The following SMYD3 variants were observed in gnomAD, a reference collection of about 807,000 sequenced individuals.
SMYD3 encodes the protein histone-lysine N-methyltransferase SMYD3.
SMYD3 carries 36 observed loss-of-function variants against 57.7 expected under a neutral mutation model. The ratio of observed to expected loss-of-function variants is 0.62; its 90% CI spans 0.48 to 0.82. SMYD3 has a LOEUF of 0.82. Ranked by LOEUF, SMYD3 falls within the 40% of genes least tolerant of loss-of-function variation. SMYD3 has a pLI of 0.00. For synonymous variants in SMYD3, 211 were observed against 195.0 expected, an observed-to-expected ratio of 1.08 and a Z score of -0.68; for missense variants, 515 against 538.8, an observed-to-expected ratio of 0.96 and a Z score of 0.44.
chr1:245,833,558 C>T (rs951951244), intron 10 of SMYD3, among the ~76,000 whole-genome samples: 2 of 152,340 alleles, frequency 1.3e-5, no homozygotes, highest in Admixed American at 6.5e-5. Flanking sequence ...TCACAGGGGA[C>T]GTGGCAGCCA....
At chr1:246,041,943 T>C (rs76387632) in intron 5 of SMYD3, among the ~76,000 whole-genome samples, 21,488 of 152,166 alleles carry the variant, frequency 0.14, 1,753 homozygotes, top group East Asian at 0.4. Flanking sequence ...CTGAAACACT[T>C]TTTCTAACAC....
intron 10 of SMYD3, among the ~76,000 whole-genome samples, chr1:245,857,658 G>A (rs2362590): frequency 0.56 from 84,567 of 152,002 alleles, 26,705 homozygotes; most frequent in Non-Finnish European, 0.73. Flanking sequence ...GTACCTTCCC[G>A]CCAGCAACCT....
chr1:246,477,075 C>A (rs1033047693), intron 1 of SMYD3, among the ~76,000 whole-genome samples: 4 of 152,124 alleles, frequency 2.6e-5, no homozygotes, highest in African/African-American at 9.7e-5. Context: ...GAATTGAAAC[C>A]AATTTTCTTC....
intron 10 of SMYD3, among the ~76,000 whole-genome samples, chr1:245,775,731 T>TA (rs68076065): frequency 1.1e-4 from 15 of 137,802 alleles, no homozygotes; most frequent in Non-Finnish European, 2.5e-4. Flanking sequence ...AAAAAAAAAA[T>TA]AAAAAAAATA....
intron 5 of SMYD3, among the ~76,000 whole-genome samples, chr1:246,109,542 G>A (rs1277682946): frequency 1.3e-5 from 2 of 152,212 alleles, no homozygotes; most frequent in African/African-American, 4.8e-5. Flanking sequence ...ATTGCCCCCT[G>A]CAGCTGTAAT....
At chr1:246,041,047 C>T (rs947376199) in intron 5 of SMYD3, among the ~76,000 whole-genome samples, 1 of 152,144 alleles carries the variant, frequency 6.6e-6, no homozygotes, top group African/African-American at 2.4e-5. Flanking sequence ...TTTTACTATT[C>T]CTTTTCTATG....
Position 246,177,187 on chromosome 1 carries a change from T to G in SMYD3, c.531+150014A>C, listed in dbSNP as rs1419005531. ...ACCTTACTACACTCTGCTAATATACTGTTCTCTTCAGTAGAAACATGTAGG... is the reference window on the plus strand; with the variant it reads ...ACCTTACTACACTCTGCTAATATACGGTTCTCTTCAGTAGAAACATGTAGG... On this transcript the variant is annotated intron_variant, in intron 5 of 11. Transcript: ENST00000490107. Among the ~76,000 whole-genome samples the G allele has an allele frequency of 3.9e-5, 6 of 152,250 alleles. No individual in the cohort carries two copies. The East Asian group carries it at 1.2e-3, about 29-fold the overall frequency.
chr1:246,294,255 G>A (rs2064751939), intron 5 of SMYD3, among the ~76,000 whole-genome samples: 1 of 152,164 alleles, frequency 6.6e-6, no homozygotes, highest in African/African-American at 2.4e-5. Flanking sequence ...CACTCACTCA[G>A]TAAGGTCAGA....
At chr1:245,946,025 C>T (rs956054770) in intron 5 of SMYD3, among the ~76,000 whole-genome samples, 1 of 152,120 alleles carries the variant, frequency 6.6e-6, no homozygotes, top group Non-Finnish European at 1.5e-5. Context: ...AGATTAATAC[C>T]TAGGTGATGG....
At position 245,911,328 on chromosome 1, in the gene SMYD3, C is replaced by T. The variant is rs1040690997; in HGVS notation, c.813+4202G>A. 1.4e-4 allele frequency among the ~76,000 whole-genome samples: 21 copies of T among 151,904 alleles called. 1 individual carries two copies. The highest frequency in any genetic ancestry group is 5.9e-4 in the Admixed American group (9 of 15,256). The stretch of plus-strand genomic sequence containing the variant: ...AGGAGGTTCCTCAAGAAACTACAAA[C>T]GCAACTACCATATAACCAAACAATC... On this transcript the variant is annotated intron_variant, in intron 8 of 11. Transcript: ENST00000490107.
chr1:246,209,460 A>G (rs1572216048), intron 5 of SMYD3, among the ~76,000 whole-genome samples: 1 of 152,312 alleles, frequency 6.6e-6, no homozygotes, highest in East Asian at 1.9e-4. Flanking sequence ...GGAAAAAAAG[A>G]GTTATCTATT....
At chr1:245,929,599 G>A (rs892079755) in intron 6 of SMYD3, among the ~76,000 whole-genome samples, 1 of 152,200 alleles carries the variant, frequency 6.6e-6, no homozygotes, top group African/African-American at 2.4e-5. Flanking sequence ...AGCACCCACC[G>A]TCCTCAACTT....
intron 8 of SMYD3, among the ~76,000 whole-genome samples, chr1:245,894,787 T>A (rs1348242409): frequency 6.6e-6 from 1 of 152,204 alleles, no homozygotes; most frequent in Non-Finnish European, 1.5e-5. Flanking sequence ...CTGCCATCCC[T>A]CAATCTATCC....
intron 1 of SMYD3, among the ~76,000 whole-genome samples, chr1:246,493,215 G>A (rs2068298057): frequency 1.4e-5 from 2 of 141,714 alleles, no homozygotes; most frequent in Admixed American, 1.4e-4. Context: ...CTACTGGGGG[G>A]GAGGAGAGGG....
At chr1:246,108,618 A>G (rs2061172982) in intron 5 of SMYD3, 1 of 152,162 alleles carries the variant, frequency 6.6e-6, no homozygotes, top group Non-Finnish European at 1.5e-5. Context: ...TCTTCATTCT[A>G]TTCACCACTT....
intron 8 of SMYD3, among the ~76,000 whole-genome samples, chr1:245,904,726 T>C (rs915934968): frequency 7.2e-5 from 11 of 152,054 alleles, no homozygotes; most frequent in African/African-American, 2.7e-4. Context: ...GACAGTGGAC[T>C]TAGGGGGCAT....
Position 246,312,681 on chromosome 1 carries a change from T to C in SMYD3, c.531+14520A>G, listed in dbSNP as rs578248444. The stretch of plus-strand genomic sequence containing the variant: ...ATAGATGAAGATTTTTGTTGGTATA[T>C]AGAAAATATGGGATGAGCTCAGAAA... On this transcript the variant is annotated intron_variant, in intron 5 of 11. Transcript: ENST00000490107. Among the ~76,000 whole-genome samples the C allele has an allele frequency of 1.6e-4, 25 of 152,202 alleles. No individual in the cohort carries two copies. The East Asian group carries it at 1.7e-3, about 11-fold the overall frequency.
At position 245,756,882 on chromosome 1, in the gene SMYD3, C is replaced by T. The variant is rs191406254; in HGVS notation, c.1185+7159G>A. Reference sequence around the variant, plus strand: ...TGAACTGCTTTCGGTTTATACTGTTCGGGGTTTGCTTAGCTTCTTAAATCT... The same window carrying T: ...TGAACTGCTTTCGGTTTATACTGTTTGGGGTTTGCTTAGCTTCTTAAATCT... On this transcript the variant is annotated intron_variant, in intron 11 of 11. Coordinates refer to ENST00000490107, the MANE Select transcript of SMYD3 (RefSeq NM_001167740.2). 6.1e-4 allele frequency among the ~76,000 whole-genome samples: 91 copies of T among 149,402 alleles called. 1 individual carries two copies. Among genetic ancestry groups the T allele is most frequent in the African/African-American group, 2.1e-3 (85 of 40,484 alleles).
intron 1 of SMYD3, among the ~76,000 whole-genome samples, chr1:246,450,235 G>A (rs903000339): frequency 6.6e-6 from 1 of 151,914 alleles, no homozygotes; most frequent in Non-Finnish European, 1.5e-5. Context: ...AGGTTGAGGT[G>A]AGCCGACATC....
Sources: gnomAD v4.1 joint callset for allele counts (sites outside exome capture counted in the v4.1 genomes callset) on GRCh38, gnomAD v4.1.1 for gene constraint, MANE v1.5 for transcripts, NCBI Gene and HGNC (gene_info 2026-07-23, HGNC 2026-07-21) for gene names.